Variants in DLGAP2 observed in about 807,000 individuals in gnomAD.
DLGAP2 encodes disks large-associated protein 2.
DLGAP2 carries 26 observed loss-of-function variants against 100.3 expected under a neutral mutation model. The observed-to-expected ratio is 0.26, with a 90% CI of 0.19 to 0.36. DLGAP2 has a LOEUF of 0.36. Ranked by LOEUF, DLGAP2 falls within the 10% of genes least tolerant of loss-of-function variation. The pLI is 1.00. For missense variants in DLGAP2, 1,858 were observed against 1,453.2 expected (o/e 1.28, Z -4.53); for synonymous variants, 886 against 630.1 (o/e 1.41, Z -6.08).
rs543150706 is a variant in DLGAP2 at position 873,459 on chromosome 8, G to T, written c.19-34453G>T. Among the ~76,000 whole-genome samples the T allele has an allele frequency of 4.6e-5, 7 of 152,276 alleles. No homozygotes were observed. In the South Asian group the frequency reaches 1.5e-3, roughly 32 times the overall value. Reference sequence around the variant, plus strand: ...CACCACTAAGTATGACGTTAGTTATGTGGTTTTCATAGATGCCTTTTATTA... The same window carrying T: ...CACCACTAAGTATGACGTTAGTTATTTGGTTTTCATAGATGCCTTTTATTA... On this transcript the variant is annotated intron_variant, in intron 1 of 14. Transcript: ENST00000637795.
chr8:1,213,191 T>C (rs1798142146), intron 2 of DLGAP2, among the ~76,000 whole-genome samples: 1 of 152,176 alleles, frequency 6.6e-6, no homozygotes, highest in South Asian at 2.1e-4. Context: ...TTAGCTGTTT[T>C]GCGGGTGTCA....
intron 1 of DLGAP2, among the ~76,000 whole-genome samples, chr8:875,564 G>C (rs552572556): frequency 6.6e-6 from 1 of 152,130 alleles, no homozygotes; most frequent in African/African-American, 2.4e-5. Context: ...CACCATGATT[G>C]TAAGTTTCCT....
intron 4 of DLGAP2, among the ~76,000 whole-genome samples, chr8:1,530,816 A>G (rs533094031): frequency 6.6e-6 from 1 of 152,342 alleles, no homozygotes; most frequent in Non-Finnish European, 1.5e-5. Context: ...GATTATAACA[A>G]TTCCACGTGC....
chr8:1,241,991 C>A (rs192940856), intron 2 of DLGAP2, among the ~76,000 whole-genome samples: 2 of 152,166 alleles, frequency 1.3e-5, no homozygotes, highest in Non-Finnish European at 2.9e-5. Flanking sequence ...GAGATGGTCT[C>A]TGAGGGAACT....
intron 4 of DLGAP2, among the ~76,000 whole-genome samples, chr8:1,539,179 C>A (rs1187877548): frequency 6.6e-6 from 1 of 152,160 alleles, no homozygotes; most frequent in Non-Finnish European, 1.5e-5. Context: ...AGCCACGGCA[C>A]CTGGCCTGTC....
chr8:1,324,124 G>A (rs913843271), intron 3 of DLGAP2, among the ~76,000 whole-genome samples: 1 of 152,170 alleles, frequency 6.6e-6, no homozygotes, highest in African/African-American at 2.4e-5. Context: ...CATTGAAGGG[G>A]GAGGAAGACG....
At chr8:1,251,200 C>CT (rs1411037319) in intron 2 of DLGAP2, among the ~76,000 whole-genome samples, 2 of 152,130 alleles carry the variant, frequency 1.3e-5, no homozygotes, top group African/African-American at 4.8e-5. Context: ...TACTGTCATC[C>CT]TGGGCTTTTA....
At chr8:758,149 G>A (rs1316063638) in intron 1 of DLGAP2, among the ~76,000 whole-genome samples, 2 of 152,220 alleles carry the variant, frequency 1.3e-5, no homozygotes, top group African/African-American at 4.8e-5. Context: ...TGGCCATCCC[G>A]AGGTTCCCTC....
chr8:1,199,718 C>G (rs879449931), intron 2 of DLGAP2, among the ~76,000 whole-genome samples: 1 of 152,042 alleles, frequency 6.6e-6, no homozygotes, highest in East Asian at 1.9e-4. Flanking sequence ...GGCTCTCACT[C>G]GGGCTGAATG....
intron 2 of DLGAP2, among the ~76,000 whole-genome samples, chr8:1,165,482 A>G (rs970338470): frequency 2.6e-5 from 4 of 152,218 alleles, no homozygotes; most frequent in Non-Finnish European, 5.9e-5. Context: ...TGCAAAGGGC[A>G]TCGCACTAAT....
At chr8:1,187,575 C>T (rs1365249945) in intron 2 of DLGAP2, among the ~76,000 whole-genome samples, 8 of 148,186 alleles carry the variant, frequency 5.4e-5, no homozygotes, top group African/African-American at 1.2e-4. Flanking sequence ...GAATCTCGCA[C>T]GCCCGGGACC....
intron 3 of DLGAP2, among the ~76,000 whole-genome samples, chr8:1,387,568 C>A (rs931615829): frequency 6.6e-6 from 1 of 152,176 alleles, no homozygotes; most frequent in Admixed American, 6.5e-5. Flanking sequence ...CACTGAACTG[C>A]ACCACTGGAC....
intron 2 of DLGAP2, among the ~76,000 whole-genome samples, chr8:983,353 T>G: frequency 6.7e-6 from 1 of 149,670 alleles, no homozygotes; most frequent in East Asian, 2.0e-4. Flanking sequence ...GATGTTCTTG[T>G]GTCCCTTAGA....
chr8:1,368,600 A>G (rs1802165452), intron 3 of DLGAP2: 1 of 152,238 alleles, frequency 6.6e-6, no homozygotes, highest in African/African-American at 2.4e-5. Context: ...TTAAAAATGG[A>G]TAAAGGCAAA....
chr8:1,010,284 A>G (rs111696464), intron 2 of DLGAP2, among the ~76,000 whole-genome samples: 1 of 142,860 alleles, frequency 7.0e-6, no homozygotes, highest in Admixed American at 7.0e-5. Flanking sequence ...ATTCTCACAT[A>G]TGTGTGTACA....
chr8:1,507,413 C>G (rs968575010), intron 4 of DLGAP2, among the ~76,000 whole-genome samples: 3 of 152,208 alleles, frequency 2.0e-5, no homozygotes, highest in African/African-American at 7.2e-5. Flanking sequence ...GAGCCCTTCA[C>G]TGCCCCGCTG....
chr8:817,308 G>T (rs1195581585), intron 1 of DLGAP2, among the ~76,000 whole-genome samples: 1 of 152,176 alleles, frequency 6.6e-6, no homozygotes, highest in African/African-American at 2.4e-5. Context: ...TTGATTTCCA[G>T]AAGTCATCAT....
intron 2 of DLGAP2, among the ~76,000 whole-genome samples, chr8:1,258,405 G>A (rs1215274328): frequency 6.6e-6 from 1 of 151,950 alleles, no homozygotes; most frequent in Non-Finnish European, 1.5e-5. Flanking sequence ...TGGACATAGA[G>A]GGGAATGTCA....
rs138909039 is a variant in DLGAP2, at chr8:1,699,590, G to A, written c.2950-1598G>A. On this transcript the variant is annotated intron_variant, in intron 14 of 14. Coordinates refer to ENST00000637795, the MANE Select transcript of DLGAP2 (RefSeq NM_001346810.2). ...GATCGTGCCACTGCACTGCAGCCTA[G>A]GCAACAGAGTGAGACTCTGTCTCAA... Among the ~76,000 whole-genome samples the A allele has an allele frequency of 8.8e-3, 1,340 of 152,166 alleles. 24 individuals carry two copies. Among genetic ancestry groups the A allele is most frequent in the African/African-American group, 0.031 (1,283 of 41,514 alleles).
Sources: gnomAD v4.1 joint callset for allele counts (sites outside exome capture counted in the v4.1 genomes callset) on GRCh38, gnomAD v4.1.1 for gene constraint, MANE v1.5 for transcripts, NCBI Gene and HGNC (gene_info 2026-07-23, HGNC 2026-07-21) for gene names.